ATAD2: variants seen among roughly 807,000 people sequenced by gnomAD.
The protein encoded by ATAD2 is ATPase family AAA domain-containing protein 2.
A neutral mutation model predicts 168.9 loss-of-function variants in ATAD2; 62 were observed. The ratio of observed to expected loss-of-function variants is 0.37; its 90% confidence interval spans 0.30 to 0.45. The LOEUF (loss-of-function observed/expected upper bound fraction) is 0.45. ATAD2 is among the 20% of genes least tolerant of loss of function. The pLI is 1.00. For missense variants in ATAD2, 1,419 were observed against 1,667.8 expected (o/e 0.85, Z 2.60); for synonymous variants, 613 against 571.6 (o/e 1.07, Z -1.03).
At chr8:123,376,900 C>T (rs1214477619) in intron 2 of ATAD2, among the ~76,000 whole-genome samples, 1 of 151,750 alleles carries the variant, frequency 6.6e-6, no homozygotes, top group Admixed American at 6.6e-5. Context: ...CTACACCAGT[C>T]TGGCCAACAT....
rs773463981 is a variant in ATAD2 at position 123,396,176 on chromosome 8, C to G, written c.171+11G>C. The G allele has an allele frequency of 3.2e-6, 5 of 1,560,664 alleles. No homozygotes were observed. In the South Asian group the frequency reaches 4.6e-5, roughly 14 times the overall value. On this transcript the variant is annotated intron_variant, in intron 1 of 27. Coordinates refer to ENST00000287394, the MANE Select transcript of ATAD2 (RefSeq NM_014109.4). ...AACCGCCCTGGGAGCCCGCCTCAGG[C>G]CCGTACTCACGCCCGCTTTGGCTGT...
At chr8:123,373,014 T>C (rs1829194319) in intron 2 of ATAD2, among the ~76,000 whole-genome samples, 1 of 151,910 alleles carries the variant, frequency 6.6e-6, no homozygotes, top group African/African-American at 2.4e-5. Context: ...TGCCTCAGCT[T>C]CCCGAATAGT....
rs1828177645 is a variant in ATAD2, at chr8:123,344,673, A to C, written c.2718+211T>G. 5 of 538,070 alleles carry C rather than the reference A, an allele frequency of 9.3e-6. No individual in the cohort carries two copies. In the East Asian group the frequency reaches 1.7e-4, roughly 19 times the overall value. 33.3% of individuals were successfully genotyped at this position (538,070 alleles called of 1,614,324 possible). On this transcript the variant is annotated intron_variant, in intron 19 of 27. Transcript: ENST00000287394. ...ATAATACCATTTTTCAAGAGAAAAA[A>C]TTTATGTATCCTTAATATATACATA...
intron 19 of ATAD2, among the ~76,000 whole-genome samples, chr8:123,340,032 G>C (rs1828021740): frequency 6.6e-6 from 1 of 151,980 alleles, no homozygotes; most frequent in Non-Finnish European, 1.5e-5. Flanking sequence ...TGGGACTACA[G>C]GCACGCACCA....
chr8:123,348,059 C>T, intron 15 of ATAD2, 124 bp downstream of exon 15: 2 of 746,540 alleles, frequency 2.7e-6, no homozygotes, highest in South Asian at 1.6e-5. Flanking sequence ...GCAAAAGAAA[C>T]TGTGGTTTTT....
At chr8:123,375,069 C>T (rs2129791416) in intron 2 of ATAD2, among the ~76,000 whole-genome samples, 1 of 152,122 alleles carries the variant, frequency 6.6e-6, no homozygotes, top group South Asian at 2.1e-4. Context: ...ATGCTGACAA[C>T]AGTGAAAAAG....
intron 8 of ATAD2, among the ~76,000 whole-genome samples, chr8:123,363,936 C>G (rs1269068356): frequency 6.6e-6 from 1 of 152,126 alleles, no homozygotes; most frequent in Non-Finnish European, 1.5e-5. Context: ...TTCAAAAAAT[C>G]TGCATTCTAT....
chr8:123,346,687 T>C lies in ATAD2; in HGVS notation c.2276A>G (p.Tyr759Cys), dbSNP rs1435191784. 2 of 1,596,486 alleles carry C rather than the reference T, an allele frequency of 1.3e-6. No individual in the cohort carries two copies. The highest frequency in any genetic ancestry group is 1.7e-6 in the Non-Finnish European group (2 of 1,171,928). Residue 759 changes from tyrosine (Y) to cysteine (C), a missense_variant, in exon 17 of 28, where the codon TAT (tyrosine) becomes TGT (cysteine). Physicochemically the swap from Tyr to Cys is radical, Grantham distance 194. Coordinates refer to ENST00000287394, the MANE Select transcript of ATAD2 (RefSeq NM_014109.4). ...AYSDDDVPSV[Y>C]ENGLSQKSSH... Reference sequence around the variant, plus strand: ...AGATTTCTGAGAAAGTCCATTTTCATAAACTGATGGAACATCATCATCACT... The same window carrying C: ...AGATTTCTGAGAAAGTCCATTTTCACAAACTGATGGAACATCATCATCACT...
chr8:123,385,560 T>A (rs1456595078), intron 1 of ATAD2, among the ~76,000 whole-genome samples: 3 of 151,952 alleles, frequency 2.0e-5, no homozygotes, highest in Non-Finnish European at 4.4e-5. Context: ...AAAAAACAAT[T>A]TAGGAACTCT....
intron 2 of ATAD2, among the ~76,000 whole-genome samples, chr8:123,373,449 T>C (rs529742930): frequency 6.6e-6 from 1 of 152,194 alleles, no homozygotes; most frequent in Admixed American, 6.5e-5. Context: ...AAAAGTTAAA[T>C]CAGCCTGGAG....
At chr8:123,332,111 T>C (rs931085736) in intron 24 of ATAD2, among the ~76,000 whole-genome samples, 1 of 152,232 alleles carries the variant, frequency 6.6e-6, no homozygotes, top group Non-Finnish European at 1.5e-5. Context: ...AATAGACTAC[T>C]GTCTATACAT....
chr8:123,373,735 G>C (rs1829221580), intron 2 of ATAD2, among the ~76,000 whole-genome samples: 1 of 144,244 alleles, frequency 6.9e-6, no homozygotes, highest in Non-Finnish European at 1.5e-5. Context: ...CTTGCAGTGA[G>C]CCGAGATCCC....
At chr8:123,374,644 G>A (rs1829251092) in intron 2 of ATAD2, among the ~76,000 whole-genome samples, 2 of 152,134 alleles carry the variant, frequency 1.3e-5, no homozygotes, top group Admixed American at 1.3e-4. Flanking sequence ...TTTAAGCTTG[G>A]AAGCCATACA....
rs995078696 is a variant in ATAD2, at chr8:123,396,444, T to C, written c.-87A>G. ...AGCTCTGGCTCTTCCGCGCTCCGAA[T>C]TCTGGCGCCACAAGCTCCGCGCCAG... On this transcript the variant is annotated 5_prime_UTR_variant, in exon 1 of 28. Transcript: ENST00000287394. 1.2e-5 allele frequency: 16 copies of C among 1,359,238 alleles called. No individual in the cohort carries two copies. The highest frequency in any genetic ancestry group is 2.6e-4 in the Middle Eastern group (1 of 3,786). 84.2% of individuals were successfully genotyped at this position (1,359,238 alleles called of 1,614,324 possible). A position where few individuals can be genotyped will look rare whatever the true frequency, so the allele number is the denominator to read the frequency against.
intron 18 of ATAD2, among the ~76,000 whole-genome samples, chr8:123,345,607 G>A (rs950617661): frequency 5.9e-5 from 9 of 152,104 alleles, no homozygotes; most frequent in African/African-American, 9.6e-5. Context: ...GCTTGAACCC[G>A]GAAGGCGGAG....
At chr8:123,348,354 T>C in intron 14 of ATAD2, 81 bp from the exon 15 acceptor site, 1 of 1,130,558 alleles carries the variant, frequency 8.8e-7, no homozygotes, top group Non-Finnish European at 1.2e-6. Flanking sequence ...TTAAAATACT[T>C]TTGATTATCT....
At chr8:123,349,181 C>G in intron 14 of ATAD2, 104 bp downstream of exon 14, 2 of 1,163,236 alleles carry the variant, frequency 1.7e-6, no homozygotes, top group Non-Finnish European at 2.4e-6. Context: ...TTGACAAGAC[C>G]ATGATACAAA....
At chr8:123,342,927 A>G (rs1259652560) in intron 19 of ATAD2, among the ~76,000 whole-genome samples, 1 of 151,504 alleles carries the variant, frequency 6.6e-6, no homozygotes, top group East Asian at 1.9e-4. Flanking sequence ...TCCCTCAGCT[A>G]TTCCAATGGT....
intron 15 of ATAD2, 73 bp from the exon 16 acceptor site, chr8:123,347,479 C>A: frequency 9.6e-6 from 13 of 1,356,858 alleles, no homozygotes; most frequent in South Asian, 9.0e-5. Context: ...ATTAGCATGA[C>A]CATGGTTAAA....
Sources: allele counts gnomAD v4.1 joint callset (sites outside exome capture counted in the v4.1 genomes callset), GRCh38; gene constraint gnomAD v4.1.1; transcripts MANE v1.5; gene names NCBI Gene and HGNC (gene_info 2026-07-23, HGNC 2026-07-21).